Variants in SLC6A6 observed in about 807,000 individuals in gnomAD.
SLC6A6 encodes solute carrier family 6 member 6, also known as sodium- and chloride-dependent taurine transporter.
SLC6A6 carries 16 observed loss-of-function variants against 68.8 expected under a neutral mutation model. The observed-to-expected ratio is 0.23, with a 90% CI of 0.16 to 0.35. The LOEUF (loss-of-function observed/expected upper bound fraction) is 0.35, where lower values mean the gene tolerates loss of function less well. SLC6A6 is among the 10% of genes least tolerant of loss of function. The pLI, the probability that SLC6A6 is intolerant of heterozygous loss-of-function variation, is 1.00. For synonymous variants in SLC6A6, 312 were observed against 315.4 expected (o/e 0.99, Z 0.12); for missense variants, 474 against 802.8 (o/e 0.59, Z 4.95).
At chr3:14,403,847 C>T (rs1418262773) in intron 1 of SLC6A6, among the ~76,000 whole-genome samples, 6 of 152,246 alleles carry the variant, frequency 3.9e-5, no homozygotes, top group Non-Finnish European at 8.8e-5. Context: ...GGACTTCAGC[C>T]TGGACTGGAG....
chr3:14,481,627 C>CCG lies in SLC6A6; in HGVS notation c.1552-44_1552-43insCG. On this transcript the variant is annotated intron_variant, in intron 13 of 14. Coordinates refer to ENST00000622186, the MANE Select transcript of SLC6A6 (RefSeq NM_003043.6). The surrounding 1 kb of genome is among the most constrained non-coding windows in gnomAD (Gnocchi z 4.7). ...CTAGTCCCAGAAGCCCCCCACCCCCCGATGCCCAGGACCCCTCTCCTGACT... is the reference window on the plus strand; with the variant it reads ...CTAGTCCCAGAAGCCCCCCACCCCCCCGGATGCCCAGGACCCCTCTCCTGACT... 1.4e-6 allele frequency: 2 copies of CCG among 1,422,540 alleles called. No individual in the cohort carries two copies. The highest frequency in any genetic ancestry group is 2.0e-6 in the Non-Finnish European group (2 of 1,024,306). The allele number at this position is 1,422,540 out of a possible 1,614,324, so 88.1% of individuals were successfully genotyped here.
chr3:14,447,498 AC>A, intron 4 of SLC6A6, 83 bp from the exon 5 acceptor site: 1 of 1,564,064 alleles, frequency 6.4e-7, no homozygotes, highest in Non-Finnish European at 8.7e-7. Flanking sequence ...GCCTGGGGAT[AC>A]CATGGCCTTC....
intron 9 of SLC6A6, among the ~76,000 whole-genome samples, chr3:14,471,870 G>C (rs543862637): frequency 1.3e-5 from 2 of 152,232 alleles, no homozygotes; most frequent in African/African-American, 4.8e-5. Flanking sequence ...CTTTGCTTTG[G>C]GGTGGGAGGA....
chr3:14,456,852 C>T (rs1700378714), intron 5 of SLC6A6, among the ~76,000 whole-genome samples: 1 of 152,250 alleles, frequency 6.6e-6, no homozygotes, highest in African/African-American at 2.4e-5. Context: ...TTCGCAAACA[C>T]CCTGGAGCAT....
In SLC6A6 at chr3:14,457,981, G is replaced by T; in HGVS notation, c.631G>T (p.Asp211Tyr). The change falls in exon 6 of 15, where the codon GAC becomes TAC. Residue 211 changes from aspartate to tyrosine, a missense_variant. Coordinates refer to ENST00000622186, the MANE Select transcript of SLC6A6 (RefSeq NM_003043.6). ...CGTGCTGAGCTTGTCCCCTGGAATC[G>T]ACCACCCAGGCTCTCTGAAATGGGA... ...RNVLSLSPGI[D>Y]HPGSLKWDLA... 6.2e-7 allele frequency: 1 copy of T among 1,614,034 alleles called. No individual in the cohort carries two copies. The highest frequency in any genetic ancestry group is 8.5e-7 in the Non-Finnish European group (1 of 1,179,902).
At chr3:14,483,955 G>A (rs921308104) in intron 14 of SLC6A6, among the ~76,000 whole-genome samples, 6 of 152,120 alleles carry the variant, frequency 3.9e-5, no homozygotes, top group Admixed American at 2.6e-4. Context: ...TGGGATTACC[G>A]AAAACTGGGT....
intron 2 of SLC6A6, among the ~76,000 whole-genome samples, chr3:14,439,048 C>T (rs763791694): frequency 6.6e-6 from 1 of 152,188 alleles, no homozygotes; most frequent in Non-Finnish European, 1.5e-5. Flanking sequence ...GGCTGGTGCT[C>T]AGGGCACCGG....
In SLC6A6 at chr3:14,481,583, C is replaced by T; in HGVS notation, c.1552-88C>T. ...CCTTTCCCAAGGAGAGAGACCCTTC[C>T]CTCAGGTTGAGGCCAGTCCTAGTCC... On this transcript the variant is annotated intron_variant, in intron 13 of 14. Transcript: ENST00000622186. The surrounding 1 kb of genome is among the most constrained non-coding windows in gnomAD (Gnocchi z 4.7). The T allele has an allele frequency of 2.4e-6, 2 of 846,294 alleles. No individual in the cohort carries two copies. The highest frequency in any genetic ancestry group is 2.3e-4 in the Middle Eastern group (1 of 4,302). The allele number at this position is 846,294 out of a possible 1,614,324, so 52.4% of individuals were successfully genotyped here. A position where few individuals can be genotyped will look rare whatever the true frequency, so the allele number is the denominator to read the frequency against.
Position 14,484,950 on chromosome 3 carries a change from C to G in SLC6A6, c.1806C>G (p.Thr602=). The change falls in exon 15 of 15, where the codon ACC becomes ACG. Residue 602 remains threonine, a synonymous_variant. Transcript: ENST00000622186. ...GAGCCACACCTTACAACTCTCGCAC[C>G]GTCATGAACGGCGCTCTCGTGAAAC... ...REGATPYNSR[T]VMNGALVKPT... is the part of the protein sequence containing the mutation. 1 of 1,613,068 alleles carries G rather than the reference C, an allele frequency of 6.2e-7. No homozygotes were observed. The highest frequency in any genetic ancestry group is 8.5e-7 in the Non-Finnish European group (1 of 1,179,898).
chr3:14,436,531 C>CTTTTTTTTTTTTTTTTTTTTTTTTTT (rs58996264), intron 2 of SLC6A6, among the ~76,000 whole-genome samples: 1 of 112,462 alleles, frequency 8.9e-6, no homozygotes, highest in African/African-American at 3.3e-5. Context: ...CAACAACTCC[C>CTTTTTTTTTTTTTTTTTTTTTTTTTT]TTTTTTTTTT....
intron 1 of SLC6A6, among the ~76,000 whole-genome samples, chr3:14,410,328 G>A (rs531044541): frequency 3.4e-4 from 52 of 152,258 alleles, no homozygotes; most frequent in Admixed American, 9.8e-4. Context: ...TCAAACCTTC[G>A]GTGATATTGT....
intron 2 of SLC6A6, among the ~76,000 whole-genome samples, chr3:14,433,931 A>G (rs1333980152): frequency 6.6e-6 from 1 of 152,200 alleles, no homozygotes; most frequent in Non-Finnish European, 1.5e-5. Flanking sequence ...GCTTTTAGCC[A>G]AAAGCGTTGA....
chr3:14,481,809 C>T lies in SLC6A6; in HGVS notation c.1690C>T (p.Arg564Cys), dbSNP rs1329505618. 4 of 1,613,990 alleles carry T rather than the reference C, an allele frequency of 2.5e-6. No homozygotes were observed. The highest frequency in any genetic ancestry group is 3.4e-6 in the Non-Finnish European group (4 of 1,179,982). Residue 564 changes from arginine (R) to cysteine (C), a missense_variant, in exon 14 of 15, where the codon CGC becomes TGC. Physicochemically the swap from Arg to Cys is radical, Grantham distance 180. Coordinates refer to ENST00000622186, the MANE Select transcript of SLC6A6 (RefSeq NM_003043.6). This position sits in a 1 kb window ranked among gnomAD's most constrained non-coding sequence, Gnocchi z 4.7. Reference protein sequence around the residue: ...MLCVPLVIVIRLCQTEGPFLV... With the variant: ...MLCVPLVIVICLCQTEGPFLV... ...CTGCGTTCCCTTGGTCATCGTCATC[C>T]GCCTCTGCCAGACTGAGGGGCCGTT...
At chr3:14,430,155 T>C (rs928567296) in intron 2 of SLC6A6, among the ~76,000 whole-genome samples, 1 of 151,732 alleles carries the variant, frequency 6.6e-6, no homozygotes, top group Non-Finnish European at 1.5e-5. Flanking sequence ...GTGGCAGAGA[T>C]TGGGGGCAAG....
intron 4 of SLC6A6, 107 bp from the exon 5 acceptor site, chr3:14,447,463 GTTGAAAGGCCTC>G: frequency 7.8e-7 from 1 of 1,282,902 alleles, no homozygotes. Flanking sequence ...GGTGGTCACT[GTTGAAAGGCCTC>G]TTGTGGCCTG....
chr3:14,411,752 C>T (rs1699256496), intron 1 of SLC6A6, among the ~76,000 whole-genome samples: 1 of 152,204 alleles, frequency 6.6e-6, no homozygotes, highest in Non-Finnish European at 1.5e-5. Flanking sequence ...AAATTATATT[C>T]ACCTGTCACC....
intron 7 of SLC6A6, 117 bp from the exon 8 acceptor site, chr3:14,467,736 T>C (rs922973634): frequency 7.9e-6 from 5 of 630,398 alleles, no homozygotes; most frequent in Non-Finnish European, 1.4e-5. Flanking sequence ...TCCATTTGCA[T>C]GTGCAAGGTC....
At chr3:14,410,176 C>CAAAA (rs145587348) in intron 1 of SLC6A6, among the ~76,000 whole-genome samples, 2 of 60,728 alleles carry the variant, frequency 3.3e-5, no homozygotes, top group African/African-American at 5.1e-5. Flanking sequence ...GACTCCATCT[C>CAAAA]AAAAAAAAAA....
Position 14,484,868 on chromosome 3 carries a change from G to A in SLC6A6, c.1724G>A (p.Arg575Lys). The A allele has an allele frequency of 6.2e-7, 1 of 1,611,766 alleles. No individual in the cohort carries two copies. Among genetic ancestry groups the A allele is most frequent in the South Asian group, 1.1e-5 (1 of 90,976 alleles). The change falls in exon 15 of 15, where the codon AGA (arginine) becomes AAA (lysine). Residue 575 changes from arginine to lysine, a missense_variant and splice_region_variant. By Grantham distance (26) the Arg-to-Lys change is conservative (BLOSUM62 2). Transcript: ENST00000622186. Reference protein sequence around the residue: ...LCQTEGPFLVRVKYLLTPREP... With the variant: ...LCQTEGPFLVKVKYLLTPREP... Reference sequence around the variant, plus strand: ...CTCACTCCTGTCATCCTTCTCCAGAGAGTCAAGTACCTGCTGACCCCAAGG... The same window carrying A: ...CTCACTCCTGTCATCCTTCTCCAGAAAGTCAAGTACCTGCTGACCCCAAGG...
Sources: allele counts gnomAD v4.1 joint callset (sites outside exome capture counted in the v4.1 genomes callset), GRCh38; gene constraint gnomAD v4.1.1; non-coding constraint Gnocchi (gnomAD v3.1); transcripts MANE v1.5; gene names NCBI Gene and HGNC (gene_info 2026-07-23, HGNC 2026-07-21).